The following DNAJC21 variants were observed in gnomAD, a reference collection of about 807,000 sequenced individuals.
DNAJC21 encodes the protein dnaJ homolog subfamily C member 21.
Under a neutral mutation model 72.4 loss-of-function variants are expected in DNAJC21, and 63 were observed. That is an observed-to-expected ratio of 0.87 (90% confidence interval 0.71 to 1.07). DNAJC21 has a LOEUF of 1.07. Among genes scored for constraint, DNAJC21 ranks in the 50% least tolerant of loss-of-function variants. DNAJC21 has a pLI of 0.00. For missense variants in DNAJC21, 634 were observed against 644.8 expected, an observed-to-expected ratio of 0.98 and a Z score of 0.18; for synonymous variants, 203 against 216.7, an observed-to-expected ratio of 0.94 and a Z score of 0.56.
At position 34,929,774 on chromosome 5, in the gene DNAJC21, C is replaced by CGACCCCGTCCCGGGCCCT. The variant is rs1764514281; in HGVS notation, c.-29_-28insTGACCCCGTCCCGGGCCC. 1 of 1,097,524 alleles carries CGACCCCGTCCCGGGCCCT rather than the reference C, an allele frequency of 9.1e-7. No individual in the cohort carries two copies. Among genetic ancestry groups the CGACCCCGTCCCGGGCCCT allele is most frequent in the African/African-American group, 1.7e-5 (1 of 58,956 alleles). 68.0% of individuals were successfully genotyped at this position (1,097,524 alleles called of 1,614,324 possible). On this transcript the variant is annotated 5_prime_UTR_variant, in exon 1 of 12. Coordinates refer to ENST00000648817, the MANE Select transcript of DNAJC21 (RefSeq NM_001012339.3). Reference sequence around the variant, plus strand: ...GCCGCTTCGGCCCGGGCCCGGGCCCCGACCCCGTCCCGGGCCCCAGCGCCG... The same window carrying CGACCCCGTCCCGGGCCCT: ...GCCGCTTCGGCCCGGGCCCGGGCCCCGACCCCGTCCCGGGCCCTGACCCCGTCCCGGGCCCCAGCGCCG...
intron 1 of DNAJC21, among the ~76,000 whole-genome samples, chr5:34,930,730 G>A (rs1168314843): frequency 1.3e-5 from 2 of 152,118 alleles, no homozygotes; most frequent in East Asian, 3.8e-4. Flanking sequence ...CAGTAAACAC[G>A]GTTACAGAGT....
At position 34,934,517 on chromosome 5, in the gene DNAJC21, C is replaced by G. The variant is rs149146140; in HGVS notation, c.191+609C>G. On this transcript the variant is annotated intron_variant, in intron 2 of 11. Transcript: ENST00000648817. Reference sequence around the variant, plus strand: ...AAGTGCTAGGATTACAAGTATGAGCCACTGTGCTCAACCAATACAGTGTTT... The same window carrying G: ...AAGTGCTAGGATTACAAGTATGAGCGACTGTGCTCAACCAATACAGTGTTT... Among the ~76,000 whole-genome samples the G allele has an allele frequency of 4.8e-3, 731 of 152,094 alleles. 2 individuals are homozygous for G. Among genetic ancestry groups the G allele is most frequent in the African/African-American group, 0.017 (701 of 41,490 alleles).
chr5:34,929,987 G>C, intron 1 of DNAJC21, 71 bp downstream of exon 1: 1 of 1,261,396 alleles, frequency 7.9e-7, no homozygotes, highest in Non-Finnish European at 1.1e-6. Context: ...CCCTTCCCCC[G>C]GGCGGACTCC....
At chr5:34,953,851 C>T in intron 10 of DNAJC21, 75 bp from the exon 11 acceptor site, 1 of 1,144,612 alleles carries the variant, frequency 8.7e-7, no homozygotes, top group Non-Finnish European at 1.2e-6. Context: ...TTTGAGTGTT[C>T]TAGAGAGCAC....
intron 10 of DNAJC21, chr5:34,951,281 AG>A: frequency 3.0e-6 from 3 of 985,460 alleles, no homozygotes; most frequent in Non-Finnish European, 3.6e-6. Context: ...CTCTGACACC[AG>A]GTGTTTGTTC....
chr5:34,958,686 A>T lies in DNAJC21; in HGVS notation c.*3972A>T, dbSNP rs1330061893. ...CATTAAAGAAGCAAAAGAACCTCAT[A>T]CAAAAGTCATTGAGTAAATGACAGC... is the stretch of plus-strand genomic sequence containing the variant. On this transcript the variant is annotated 3_prime_UTR_variant, in exon 12 of 12. Coordinates refer to ENST00000648817, the MANE Select transcript of DNAJC21 (RefSeq NM_001012339.3). 1 of 152,206 alleles carries T rather than the reference A, an allele frequency of 6.6e-6. No homozygotes were observed. The highest frequency in any genetic ancestry group is 2.4e-5 in the African/African-American group (1 of 41,468). 9.4% of individuals were successfully genotyped at this position (152,206 alleles called of 1,614,324 possible).
intron 10 of DNAJC21, chr5:34,952,379 C>A: frequency 2.1e-6 from 1 of 465,352 alleles, no homozygotes; most frequent in Non-Finnish European, 2.8e-6. Context: ...CAATATGTTA[C>A]ACTCCTAATC....
chr5:34,956,980 A>G lies in DNAJC21; in HGVS notation c.*2266A>G, dbSNP rs1054389092. ...TTTTTAAACACAAAAGCTTTATACAAAATATTGTTGAATTTAAATAAGGTA... is the reference window on the plus strand; with the variant it reads ...TTTTTAAACACAAAAGCTTTATACAGAATATTGTTGAATTTAAATAAGGTA... On this transcript the variant is annotated 3_prime_UTR_variant, in exon 12 of 12. Coordinates refer to ENST00000648817, the MANE Select transcript of DNAJC21 (RefSeq NM_001012339.3). The G allele has an allele frequency of 6.6e-6, 1 of 152,206 alleles. No homozygotes were observed. The highest frequency in any genetic ancestry group is 2.4e-5 in the African/African-American group (1 of 41,452). 9.4% of individuals were successfully genotyped at this position (152,206 alleles called of 1,614,324 possible). A position where few individuals can be genotyped will look rare whatever the true frequency, so the allele number is the denominator to read the frequency against.
At position 34,952,467 on chromosome 5, in the gene DNAJC21, C is replaced by A. The variant is rs1765404783; in HGVS notation, c.1359-1459C>A. ...GCTTGAAGAATAGTATACCTATAAACTGGAAGCATTATCATCACTTACTCA... is the reference window on the plus strand; with the variant it reads ...GCTTGAAGAATAGTATACCTATAAAATGGAAGCATTATCATCACTTACTCA... On this transcript the variant is annotated intron_variant, in intron 10 of 11. Transcript: ENST00000648817. The A allele has an allele frequency of 1.9e-5, 3 of 159,132 alleles. No homozygotes were observed. The Admixed American group carries it at 2.0e-4, about 10-fold the overall frequency. 9.9% of individuals were successfully genotyped at this position (159,132 alleles called of 1,614,324 possible).
At chr5:34,936,049 T>G in intron 3 of DNAJC21, 95 bp from the exon 4 acceptor site, 1 of 1,522,672 alleles carries the variant, frequency 6.6e-7, no homozygotes, top group Non-Finnish European at 8.8e-7. Flanking sequence ...CCCAAAATTC[T>G]TCAACATTAA....
intron 5 of DNAJC21, among the ~76,000 whole-genome samples, chr5:34,938,609 T>C (rs530215993): frequency 1.3e-5 from 2 of 152,232 alleles, no homozygotes; most frequent in Non-Finnish European, 2.9e-5. Flanking sequence ...CTGAAGACTT[T>C]TAATAAGTTG....
rs191959899 is a variant in DNAJC21, at chr5:34,936,648, G to A, written c.438+382G>A. 3.5e-3 allele frequency among the ~76,000 whole-genome samples: 533 copies of A among 152,278 alleles called. 2 individuals carry two copies. Among genetic ancestry groups the A allele is most frequent in the Non-Finnish European group, 5.5e-3 (376 of 68,018 alleles). On this transcript the variant is annotated intron_variant, in intron 4 of 11. Coordinates refer to ENST00000648817, the MANE Select transcript of DNAJC21 (RefSeq NM_001012339.3). ...TTTAAAACAATTGGTTCTAGTTCTC[G>A]AACCTATCCCATGACCTCTCTTTGT...
Position 34,958,849 on chromosome 5 carries a change from T to TA in DNAJC21, c.*4142dup, listed in dbSNP as rs1016051578. 3 of 152,124 alleles carry TA rather than the reference T, an allele frequency of 2.0e-5. No individual in the cohort carries two copies. The highest frequency in any genetic ancestry group is 7.2e-5 in the African/African-American group (3 of 41,436). The allele number at this position is 152,124 out of a possible 1,614,324, so 9.4% of individuals were successfully genotyped here. A position where few individuals can be genotyped will look rare whatever the true frequency, so the allele number is the denominator to read the frequency against. On this transcript the variant is annotated 3_prime_UTR_variant, in exon 12 of 12. Transcript: ENST00000648817. ...TTCTGTTAGAATTTAAAAATTATGT[T>TA]AAAAAAATAAGAAGAATGACTATTT...
At chr5:34,934,681 G>C (rs1764711365) in intron 2 of DNAJC21, among the ~76,000 whole-genome samples, 1 of 152,162 alleles carries the variant, frequency 6.6e-6, no homozygotes, top group African/African-American at 2.4e-5. Context: ...TTGAAGTTCT[G>C]AGTTTTCAGA....
chr5:34,942,570 T>A (rs1470565854), intron 7 of DNAJC21, among the ~76,000 whole-genome samples: 3 of 152,300 alleles, frequency 2.0e-5, no homozygotes, highest in East Asian at 1.9e-4. Context: ...AATTTTTTTT[T>A]ATTTGGAAAT....
At chr5:34,951,798 G>A (rs112829138) in intron 10 of DNAJC21, 73,807 of 985,294 alleles carry the variant, frequency 0.075, 3,076 homozygotes, top group South Asian at 0.13. Flanking sequence ...TGCTGGGATT[G>A]CAGGTGTGAG....
chr5:34,941,269 C>G, intron 7 of DNAJC21, 86 bp downstream of exon 7: 1 of 1,208,376 alleles, frequency 8.3e-7, no homozygotes, highest in Non-Finnish European at 1.2e-6. Context: ...ACAGTCATGA[C>G]TCACCACAGC....
At chr5:34,934,378 G>A (rs960330852) in intron 2 of DNAJC21, among the ~76,000 whole-genome samples, 3 of 151,366 alleles carry the variant, frequency 2.0e-5, no homozygotes, top group Admixed American at 6.6e-5. Flanking sequence ...ACAGGTGTGT[G>A]CCACCACACA....
At chr5:34,946,004 A>G (rs1008541719) in intron 9 of DNAJC21, among the ~76,000 whole-genome samples, 2 of 152,168 alleles carry the variant, frequency 1.3e-5, no homozygotes, top group Non-Finnish European at 1.5e-5. Flanking sequence ...AACAAACTTA[A>G]TTATGACTGC....
Sources: gnomAD v4.1 joint callset for allele counts (sites outside exome capture counted in the v4.1 genomes callset) on GRCh38, gnomAD v4.1.1 for gene constraint, MANE v1.5 for transcripts, NCBI Gene and HGNC (gene_info 2026-07-23, HGNC 2026-07-21) for gene names.